Variants in ABCC4 observed in about 807,000 individuals in gnomAD.
ABCC4 encodes ATP binding cassette subfamily C member 4 (PEL blood group).
In ABCC4, 102 loss-of-function variants were observed where a neutral mutation model predicts 168.5. The observed-to-expected ratio is 0.61, with a 90% CI of 0.52 to 0.71. ABCC4 has a LOEUF of 0.71. ABCC4 is among the 30% of genes least tolerant of loss of function. The pLI, the probability that ABCC4 is intolerant of heterozygous loss-of-function variation, is 0.00. For synonymous variants in ABCC4, 617 were observed against 590.7 expected, an observed-to-expected ratio of 1.04 and a Z score of -0.65; for missense variants, 1,402 against 1,605.8, an observed-to-expected ratio of 0.87 and a Z score of 2.17.
chr13:95,038,374 C>CAA (rs74617293), intron 29 of ABCC4, among the ~76,000 whole-genome samples: 23,780 of 97,246 alleles, frequency 0.24, 3,358 homozygotes, highest in African/African-American at 0.28. Context: ...AGCCCATACT[C>CAA]AAAAAAAAAA....
At position 95,168,807 on chromosome 13, in the gene ABCC4, C is replaced by T. The variant is rs537165550; in HGVS notation, c.1824+1725G>A. Reference sequence around the variant, plus strand: ...TTCTCACTAACCTCCATGTCCCCGGCCACGCTAGCTCTTATAGGTTGAATG... The same window carrying T: ...TTCTCACTAACCTCCATGTCCCCGGTCACGCTAGCTCTTATAGGTTGAATG... On this transcript the variant is annotated intron_variant, in intron 14 of 30. Coordinates refer to ENST00000645237, the MANE Select transcript of ABCC4 (RefSeq NM_005845.5). 1.2e-4 allele frequency among the ~76,000 whole-genome samples: 19 copies of T among 152,266 alleles called. No homozygotes were observed. The East Asian group carries it at 3.7e-3, about 29-fold the overall frequency.
Position 95,170,623 on chromosome 13 carries a change from A to G in ABCC4, c.1733T>C (p.Ile578Thr), listed in dbSNP as rs1366507341. 6.2e-7 allele frequency: 1 copy of G among 1,605,146 alleles called. No individual in the cohort carries two copies. Among genetic ancestry groups the G allele is most frequent in the Admixed American group, 1.7e-5 (1 of 59,618 alleles). ...GATCTTCTCATGCAAAATTTGACAA[A>G]TACACCTATAAATGTAAAAGGCACA... ...EVSRHLFELC[I>T]CQILHEKITI... Residue 578 changes from isoleucine to threonine, a missense_variant, in exon 14 of 31, where the codon ATT becomes ACT. Coordinates refer to ENST00000645237, the MANE Select transcript of ABCC4 (RefSeq NM_005845.5).
chr13:95,146,927 T>C (rs1186570999), intron 19 of ABCC4, among the ~76,000 whole-genome samples: 1 of 152,182 alleles, frequency 6.6e-6, no homozygotes, highest in Non-Finnish European at 1.5e-5. Context: ...AACAGACCTC[T>C]AAAACATTCA....
intron 19 of ABCC4, among the ~76,000 whole-genome samples, chr13:95,121,163 C>T (rs2035558367): frequency 6.6e-6 from 1 of 152,082 alleles, no homozygotes; most frequent in Non-Finnish European, 1.5e-5. Context: ...CAACAGGACT[C>T]AACAATACAG....
At chr13:95,235,547 C>T (rs2039742487) in intron 3 of ABCC4, among the ~76,000 whole-genome samples, 1 of 152,230 alleles carries the variant, frequency 6.6e-6, no homozygotes, top group Non-Finnish European at 1.5e-5. Flanking sequence ...ACAGGCTCGT[C>T]TATGGGAGGC....
intron 8 of ABCC4, among the ~76,000 whole-genome samples, chr13:95,195,194 T>C (rs2038378130): frequency 6.6e-6 from 1 of 152,196 alleles, no homozygotes; most frequent in South Asian, 2.1e-4. Context: ...AGTATACTTG[T>C]TCCTAAATAA....
chr13:95,077,786 T>C (rs1216798203), intron 21 of ABCC4, among the ~76,000 whole-genome samples: 1 of 152,178 alleles, frequency 6.6e-6, no homozygotes. Flanking sequence ...CCCATGCCGA[T>C]CTGTGCTACA....
chr13:95,059,150 T>A (rs1053172756), intron 26 of ABCC4, among the ~76,000 whole-genome samples: 2 of 152,200 alleles, frequency 1.3e-5, no homozygotes, highest in African/African-American at 4.8e-5. Context: ...AACATGGGTT[T>A]AAAGTCCCTA....
intron 30 of ABCC4, among the ~76,000 whole-genome samples, chr13:95,025,198 ACACCCCCACAC>A (rs2031361546): frequency 2.5e-5 from 2 of 78,672 alleles, no homozygotes; most frequent in Admixed American, 1.2e-4. Flanking sequence ...CCCACACCAC[ACACCCCCACAC>A]CCCCCACACA....
chr13:95,269,796 A>T (rs2040796714), intron 1 of ABCC4, among the ~76,000 whole-genome samples: 2 of 152,218 alleles, frequency 1.3e-5, no homozygotes, highest in Non-Finnish European at 2.9e-5. Flanking sequence ...ATACATCTGA[A>T]AATTACATAA....
chr13:95,244,891 C>T (rs2138797994), intron 3 of ABCC4, among the ~76,000 whole-genome samples: 1 of 115,070 alleles, frequency 8.7e-6, no homozygotes, highest in South Asian at 2.8e-4. Context: ...CATGACTGCC[C>T]AATAACCACC....
intron 13 of ABCC4, among the ~76,000 whole-genome samples, chr13:95,176,223 C>CGGGGGGGGGGGGGGGGGGGGGGGGGGG (rs1491246023): frequency 9.5e-5 from 1 of 10,560 alleles, no homozygotes; most frequent in Non-Finnish European, 5.0e-4. Flanking sequence ...AAGCCGAGGG[C>CGGGGGGGGGGGGGGGGGGGGGGGGGGG]AGGGGGGGGG....
intron 4 of ABCC4, among the ~76,000 whole-genome samples, chr13:95,217,607 C>T (rs2039157415): frequency 6.6e-6 from 1 of 152,056 alleles, no homozygotes; most frequent in African/African-American, 2.4e-5. Context: ...TGGCGCACAC[C>T]CCTGCAATCC....
chr13:95,093,158 C>G (rs1422657342), intron 20 of ABCC4, among the ~76,000 whole-genome samples: 2 of 152,100 alleles, frequency 1.3e-5, no homozygotes, highest in South Asian at 2.1e-4. Context: ...TTCCATAAGA[C>G]AGAGAAAGAA....
intron 8 of ABCC4, 100 bp downstream of exon 8, chr13:95,206,432 G>A (rs3818493): frequency 0.65 from 978,084 of 1,497,356 alleles, 321,004 homozygotes; most frequent in African/African-American, 0.68. Context: ...TTATGAGAGA[G>A]TTAAATGTCA....
At chr13:95,121,881 A>T (rs1369886148) in intron 19 of ABCC4, among the ~76,000 whole-genome samples, 1 of 152,036 alleles carries the variant, frequency 6.6e-6, no homozygotes, top group Non-Finnish European at 1.5e-5. Flanking sequence ...TCACATAGAG[A>T]TTGCCTCTGA....
chr13:95,200,370 C>A (rs776006284), intron 8 of ABCC4, among the ~76,000 whole-genome samples: 1 of 152,138 alleles, frequency 6.6e-6, no homozygotes, highest in Admixed American at 6.5e-5. Flanking sequence ...TTTTATCACA[C>A]AACTAGGGCA....
At chr13:95,170,677 C>T (rs1246126257) in intron 13 of ABCC4, 49 bp from the exon 14 acceptor site, 1 of 1,137,542 alleles carries the variant, frequency 8.8e-7, no homozygotes, top group Non-Finnish European at 1.3e-6. Context: ...ATGGGGTGCT[C>T]CACATTGAAA....
intron 29 of ABCC4, among the ~76,000 whole-genome samples, chr13:95,039,144 C>A (rs1168306076): frequency 6.6e-6 from 1 of 152,104 alleles, no homozygotes; most frequent in Non-Finnish European, 1.5e-5. Context: ...ATGCCTGGGA[C>A]CAGAAGTGTT....
Sources: allele counts gnomAD v4.1 joint callset (sites outside exome capture counted in the v4.1 genomes callset), GRCh38; gene constraint gnomAD v4.1.1; transcripts MANE v1.5; gene names NCBI Gene and HGNC (gene_info 2026-07-23, HGNC 2026-07-21).